The following KCND3 variants were observed in gnomAD, a reference collection of about 807,000 sequenced individuals.
KCND3 encodes the protein A-type voltage-gated potassium channel KCND3.
A neutral mutation model predicts 51.1 loss-of-function variants in KCND3; 9 were observed. The ratio of observed to expected loss-of-function variants is 0.18; its 90% CI spans 0.11 to 0.31. KCND3 has a LOEUF of 0.31. Among genes scored for constraint, KCND3 ranks in the 10% least tolerant of loss-of-function variants. The pLI, the probability that KCND3 is intolerant of heterozygous loss-of-function variation, is 1.00. For missense variants in KCND3, 526 were observed against 903.8 expected (o/e 0.58, Z 5.36); for synonymous variants, 349 against 368.0 (o/e 0.95, Z 0.59).
chr1:111,797,360 G>A (rs1443318027), intron 2 of KCND3, among the ~76,000 whole-genome samples: 3 of 152,190 alleles, frequency 2.0e-5, no homozygotes, highest in South Asian at 4.1e-4. Flanking sequence ...TGTTCATCCA[G>A]AGGGATTCCC....
At chr1:111,901,787 C>T (rs1053338371) in intron 2 of KCND3, among the ~76,000 whole-genome samples, 1 of 152,174 alleles carries the variant, frequency 6.6e-6, no homozygotes, top group African/African-American at 2.4e-5. Context: ...AGGTTGTCCA[C>T]AGGCACCTCA....
At chr1:111,940,073 G>GTTTTTTTTTTTTTTTTTTTTTT (rs61088602) in intron 2 of KCND3, among the ~76,000 whole-genome samples, 105 of 85,462 alleles carry the variant, frequency 1.2e-3, no homozygotes, top group Middle Eastern at 8.1e-3. Context: ...CTTTTTGATG[G>GTTTTTTTTTTTTTTTTTTTTTT]TTTTTTTTTT....
intron 2 of KCND3, among the ~76,000 whole-genome samples, chr1:111,918,065 TA>T (rs1369837510): frequency 6.6e-6 from 1 of 152,188 alleles, no homozygotes; most frequent in East Asian, 1.9e-4. Flanking sequence ...GACTAAAACT[TA>T]AAATACCCAA....
intron 2 of KCND3, among the ~76,000 whole-genome samples, chr1:111,799,887 C>T (rs4839168): frequency 0.17 from 25,295 of 152,228 alleles, 2,232 homozygotes; most frequent in Admixed American, 0.22. Flanking sequence ...ACTTCACTAC[C>T]GGTCTCCTGT....
intron 2 of KCND3, among the ~76,000 whole-genome samples, chr1:111,807,308 C>A (rs1362307072): frequency 6.6e-6 from 1 of 152,206 alleles, no homozygotes; most frequent in Admixed American, 6.5e-5. Flanking sequence ...TTTTACTGTA[C>A]CTTTTCTATG....
chr1:111,861,171 G>C (rs761521619), intron 2 of KCND3, among the ~76,000 whole-genome samples: 1 of 152,142 alleles, frequency 6.6e-6, no homozygotes, highest in African/African-American at 2.4e-5. Flanking sequence ...GAAGGGGGGC[G>C]GGGCGTGGGG....
At chr1:111,876,357 C>T (rs187695727) in intron 2 of KCND3, among the ~76,000 whole-genome samples, 156 of 122,106 alleles carry the variant, frequency 1.3e-3, no homozygotes, top group African/African-American at 4.0e-3. Flanking sequence ...GACTCAGTGG[C>T]GTGCATTTGC....
At chr1:111,874,883 G>C (rs371515846) in intron 2 of KCND3, among the ~76,000 whole-genome samples, 8 of 152,228 alleles carry the variant, frequency 5.3e-5, no homozygotes, top group African/African-American at 1.4e-4. Flanking sequence ...CAAACATCTC[G>C]CTCCAGGCTA....
intron 2 of KCND3, among the ~76,000 whole-genome samples, chr1:111,925,923 C>T (rs1671675343): frequency 6.6e-6 from 1 of 152,104 alleles, no homozygotes; most frequent in South Asian, 2.1e-4. Flanking sequence ...GCCTTAGTAT[C>T]CTCCCCCTCC....
chr1:111,777,336 A>G (rs1364408739), intron 6 of KCND3, 63 bp from the exon 7 acceptor site: 1 of 1,542,796 alleles, frequency 6.5e-7, no homozygotes, highest in East Asian at 2.2e-5. Context: ...GTAAGCCCCT[A>G]TACTCTGTAT....
At chr1:111,931,328 A>G (rs148864481) in intron 2 of KCND3, among the ~76,000 whole-genome samples, 200 of 152,322 alleles carry the variant, frequency 1.3e-3, no homozygotes, top group African/African-American at 4.2e-3. Flanking sequence ...AAAGCTCAGT[A>G]ACGTTTCACA....
chr1:111,966,252 C>T (rs1000260291), intron 2 of KCND3, among the ~76,000 whole-genome samples: 6 of 152,322 alleles, frequency 3.9e-5, no homozygotes, highest in South Asian at 4.1e-4. Context: ...GCTGCCCACA[C>T]GGATGCTAAC....
At chr1:111,843,761 G>A (rs761425514) in intron 2 of KCND3, among the ~76,000 whole-genome samples, 3 of 152,144 alleles carry the variant, frequency 2.0e-5, no homozygotes, top group East Asian at 1.9e-4. Flanking sequence ...CCCCTTACAC[G>A]GTGTTACTGC....
chr1:111,962,007 A>G (rs540638870), intron 2 of KCND3, among the ~76,000 whole-genome samples: 126 of 152,196 alleles, frequency 8.3e-4, no homozygotes, highest in African/African-American at 3.0e-3. Flanking sequence ...GCCAAGAGTT[A>G]TTTACCAGTA....
intron 2 of KCND3, among the ~76,000 whole-genome samples, chr1:111,820,666 T>C (rs1666301038): frequency 6.6e-6 from 1 of 152,218 alleles, no homozygotes. Context: ...TCCAAAAAGA[T>C]GTATGTAAGT....
chr1:111,848,469 T>A (rs1423678985), intron 2 of KCND3, among the ~76,000 whole-genome samples: 2 of 152,204 alleles, frequency 1.3e-5, no homozygotes, highest in African/African-American at 4.8e-5. Flanking sequence ...CCCTAGGTGC[T>A]GATCTCCACC....
chr1:111,855,091 C>G (rs1019795498), intron 2 of KCND3, among the ~76,000 whole-genome samples: 1 of 152,204 alleles, frequency 6.6e-6, no homozygotes, highest in South Asian at 2.1e-4. Flanking sequence ...CTCACCACCC[C>G]CTGGGGTCCA....
chr1:111,804,239 T>C (rs1261320079), intron 2 of KCND3, among the ~76,000 whole-genome samples: 1 of 152,252 alleles, frequency 6.6e-6, no homozygotes, highest in Non-Finnish European at 1.5e-5. Flanking sequence ...AATCAGAGCC[T>C]TTCTTTAGCC....
In KCND3 at chr1:111,770,958, T is replaced by C. The variant is rs891590551; in HGVS notation, c.*5119A>G. ...ACACTTGATGTATCTCACGATGACA[T>C]TAATGGGGGGAAGGGTGTGACCTCT... On this transcript the variant is annotated 3_prime_UTR_variant, in exon 8 of 8. Transcript: ENST00000302127. The C allele has an allele frequency of 6.6e-6, 1 of 152,166 alleles. No homozygotes were observed. Among genetic ancestry groups the C allele is most frequent in the Non-Finnish European group, 1.5e-5 (1 of 68,022 alleles). 9.4% of individuals were successfully genotyped at this position (152,166 alleles called of 1,614,324 possible).
Sources: gnomAD v4.1 joint callset for allele counts (sites outside exome capture counted in the v4.1 genomes callset) on GRCh38, gnomAD v4.1.1 for gene constraint, MANE v1.5 for transcripts, NCBI Gene and HGNC (gene_info 2026-07-23, HGNC 2026-07-21) for gene names.